The following ANXA5 variants were observed in gnomAD, a reference collection of about 807,000 sequenced individuals.
ANXA5 encodes the protein CBP-I.
Under a neutral mutation model 48.1 loss-of-function variants are expected in ANXA5, and 40 were observed. That is an observed-to-expected ratio of 0.83 (90% confidence interval 0.65 to 1.08). ANXA5 has a LOEUF of 1.08. Among genes scored for constraint, ANXA5 ranks in the 50% least tolerant of loss-of-function variants. ANXA5 has a pLI of 0.00. For synonymous variants in ANXA5, 113 were observed against 129.1 expected (o/e 0.88, Z 0.85); for missense variants, 357 against 376.8 (o/e 0.95, Z 0.44).
chr4:121,678,157 G>C, intron 7 of ANXA5: 1 of 609,328 alleles, frequency 1.6e-6, no homozygotes, highest in Middle Eastern at 4.1e-4. Flanking sequence ...TTCTATGAAA[G>C]AACAAGATAC....
At chr4:121,690,249 G>A (rs142350805) in intron 2 of ANXA5, among the ~76,000 whole-genome samples, 4 of 152,284 alleles carry the variant, frequency 2.6e-5, no homozygotes, top group Admixed American at 2.0e-4. Context: ...AGCAGAGATG[G>A]GACTTGAAGC....
At chr4:121,680,908 C>T (rs972996625) in intron 6 of ANXA5, among the ~76,000 whole-genome samples, 1 of 152,130 alleles carries the variant, frequency 6.6e-6, no homozygotes, top group Non-Finnish European at 1.5e-5. Flanking sequence ...GCTGGGTTAA[C>T]AAAGCCATTT....
intron 2 of ANXA5, among the ~76,000 whole-genome samples, chr4:121,689,440 T>C (rs765797727): frequency 3.9e-5 from 6 of 152,154 alleles, no homozygotes; most frequent in Non-Finnish European, 7.4e-5. Flanking sequence ...CAGTAGAATA[T>C]GTACACACAG....
chr4:121,684,452 A>G (rs1724844837), intron 4 of ANXA5, among the ~76,000 whole-genome samples: 1 of 152,168 alleles, frequency 6.6e-6, no homozygotes, highest in South Asian at 2.1e-4. Context: ...ATCTTTTGGC[A>G]CCTCTACAGC....
At chr4:121,675,664 T>C (rs1215001466) in intron 8 of ANXA5, among the ~76,000 whole-genome samples, 1 of 152,222 alleles carries the variant, frequency 6.6e-6, no homozygotes, top group African/African-American at 2.4e-5. Flanking sequence ...CTCAGGGTTC[T>C]GAATGGTTAT....
At chr4:121,672,767 C>T (rs1212062803) in intron 8 of ANXA5, 141 bp from the exon 9 acceptor site, 124 of 658,116 alleles carry the variant, frequency 1.9e-4, no homozygotes, top group Non-Finnish European at 7.9e-6. Flanking sequence ...CTAATGTGTC[C>T]TACTCTGAAA....
At chr4:121,678,360 G>T in intron 7 of ANXA5, 55 bp downstream of exon 7, 1 of 1,435,508 alleles carries the variant, frequency 7.0e-7, no homozygotes, top group Non-Finnish European at 9.7e-7. Context: ...ACTAGATTCA[G>T]CCCAGTCCAA....
At chr4:121,684,912 G>A (rs1724856356) in intron 3 of ANXA5, 141 bp from the exon 4 acceptor site, 8 of 620,960 alleles carry the variant, frequency 1.3e-5, no homozygotes, top group South Asian at 2.0e-5. Flanking sequence ...CGGCGCAGTG[G>A]CTCACATCTG....
intron 2 of ANXA5, among the ~76,000 whole-genome samples, chr4:121,691,736 A>G (rs12649582): frequency 0.44 from 66,799 of 152,012 alleles, 16,242 homozygotes; most frequent in East Asian, 0.73. Context: ...CTCCATGTAC[A>G]TACACTAGGG....
At chr4:121,680,637 G>C (rs1274899518) in intron 6 of ANXA5, among the ~76,000 whole-genome samples, 2 of 152,070 alleles carry the variant, frequency 1.3e-5, no homozygotes, top group Non-Finnish European at 2.9e-5. Context: ...GGCTGAGTAG[G>C]ACAGACCACA....
chr4:121,693,240 G>GAA (rs1217967752), intron 2 of ANXA5, among the ~76,000 whole-genome samples: 6 of 142,442 alleles, frequency 4.2e-5, no homozygotes, highest in Admixed American at 2.1e-4. Flanking sequence ...TCTCGGGGGA[G>GAA]AAAAAAAAAA....
Position 121,676,680 on chromosome 4 carries a change from CG to C in ANXA5, c.531+1213del, listed in dbSNP as rs370291159. Among the ~76,000 whole-genome samples, 448 of 97,796 alleles carry C rather than the reference CG, an allele frequency of 4.6e-3. 5 individuals carry two copies. Among genetic ancestry groups the C allele is most frequent in the African/African-American group, 0.016 (349 of 21,726 alleles). 64.2% of individuals were successfully genotyped at this position (97,796 alleles called of 152,430 possible). A position where few individuals can be genotyped will look rare whatever the true frequency, so the allele number is the denominator to read the frequency against. On this transcript the variant is annotated intron_variant, in intron 8 of 12. Coordinates refer to ENST00000296511, the MANE Select transcript of ANXA5 (RefSeq NM_001154.4). ...AGAACTGTGACAGGAAGCCTGGGGG[CG>C]GGGGGGGGTATGGTTTTCCCTGTGA... is the stretch of plus-strand genomic sequence containing the variant.
chr4:121,691,914 A>C (rs1724991280), intron 2 of ANXA5, among the ~76,000 whole-genome samples: 1 of 152,238 alleles, frequency 6.6e-6, no homozygotes, highest in South Asian at 2.1e-4. Flanking sequence ...AAGCAAAATA[A>C]TTATCAGGGA....
At chr4:121,687,726 T>C (rs891487118) in intron 2 of ANXA5, among the ~76,000 whole-genome samples, 2 of 152,192 alleles carry the variant, frequency 1.3e-5, no homozygotes, top group African/African-American at 4.8e-5. Context: ...CTTCTCTCTT[T>C]AGTGGCACTA....
At position 121,683,511 on chromosome 4, in the gene ANXA5, C is replaced by T. The variant is rs372676890; in HGVS notation, c.190-34G>A. 6.4e-5 allele frequency: 78 copies of T among 1,226,444 alleles called. No individual in the cohort carries two copies. In the African/African-American group the frequency reaches 1.1e-3, roughly 17 times the overall value. 76.0% of individuals were successfully genotyped at this position (1,226,444 alleles called of 1,614,324 possible). A position where few individuals can be genotyped will look rare whatever the true frequency, so the allele number is the denominator to read the frequency against. ...CAGAAAATACAAATTTGTTAACCAG[C>T]AGAAATTGTAATAAGATTCTTCTTA... On this transcript the variant is annotated intron_variant, in intron 4 of 12. Coordinates refer to ENST00000296511, the MANE Select transcript of ANXA5 (RefSeq NM_001154.4).
chr4:121,696,738 G>T (rs920490152), intron 1 of ANXA5, 114 bp from the exon 2 acceptor site: 6 of 580,230 alleles, frequency 1.0e-5, no homozygotes, highest in South Asian at 8.1e-5. Context: ...GCCCCGCCAC[G>T]GGGCCGACCC....
At chr4:121,671,473 C>T in intron 10 of ANXA5, 74 bp downstream of exon 10, 1 of 1,119,604 alleles carries the variant, frequency 8.9e-7, no homozygotes. Context: ...TGGTTATTTT[C>T]AGATGCAGCC....
At chr4:121,679,576 C>T (rs550181397) in intron 6 of ANXA5, among the ~76,000 whole-genome samples, 2 of 152,220 alleles carry the variant, frequency 1.3e-5, no homozygotes, top group South Asian at 2.1e-4. Flanking sequence ...GTTCCATTTA[C>T]CTCCCACAAT....
Position 121,691,002 on chromosome 4 carries a change from T to C in ANXA5, c.10-4630A>G, listed in dbSNP as rs916239996. 5.9e-5 allele frequency among the ~76,000 whole-genome samples: 9 copies of C among 152,316 alleles called. 1 individual carries two copies. Among genetic ancestry groups the C allele is most frequent in the African/African-American group, 2.2e-4 (9 of 41,568 alleles). ...GCCCACCCAAAACTGTCTGCAAATG[T>C]GACTTTAAATGACTCATTCAAGAGG... On this transcript the variant is annotated intron_variant, in intron 2 of 12. Coordinates refer to ENST00000296511, the MANE Select transcript of ANXA5 (RefSeq NM_001154.4).
Sources: allele counts gnomAD v4.1 joint callset (sites outside exome capture counted in the v4.1 genomes callset), GRCh38; gene constraint gnomAD v4.1.1; transcripts MANE v1.5; gene names NCBI Gene and HGNC (gene_info 2026-07-23, HGNC 2026-07-21).